The following INPP4A variants were observed in gnomAD, a reference collection of about 807,000 sequenced individuals.
INPP4A encodes inositol polyphosphate-4-phosphatase, type I, 107kD.
A neutral mutation model predicts 119.8 loss-of-function variants in INPP4A; 33 were observed. The observed-to-expected ratio is 0.28, with a 90% confidence interval of 0.21 to 0.37. The LOEUF (loss-of-function observed/expected upper bound fraction) is 0.37, where lower values mean the gene tolerates loss of function less well. Among genes scored for constraint, INPP4A ranks in the 10% least tolerant of loss-of-function variants. The probability of loss-of-function intolerance (pLI) is 1.00; values close to 1 mark genes in which losing one functional copy is unlikely to be tolerated. For synonymous variants in INPP4A, 496 were observed against 500.7 expected (o/e 0.99, Z 0.12); for missense variants, 956 against 1,289.9 (o/e 0.74, Z 3.97).
chr2:98,481,588 A>G (rs905368900), intron 1 of INPP4A, among the ~76,000 whole-genome samples: 1 of 152,236 alleles, frequency 6.6e-6, no homozygotes, highest in Non-Finnish European at 1.5e-5. Context: ...TCTATATAAA[A>G]TGATTATATC....
At chr2:98,470,354 T>C (rs1353523386) in intron 1 of INPP4A, among the ~76,000 whole-genome samples, 1 of 152,246 alleles carries the variant, frequency 6.6e-6, no homozygotes, top group African/African-American at 2.4e-5. Flanking sequence ...GTTCCCCTGA[T>C]TGGACTCCTG....
chr2:98,571,143 C>T (rs1697365084), intron 22 of INPP4A, among the ~76,000 whole-genome samples: 1 of 152,222 alleles, frequency 6.6e-6, no homozygotes, highest in African/African-American at 2.4e-5. Context: ...GGAGTTCAAA[C>T]AGCAGATTTG....
At chr2:98,515,146 C>G (rs909015965) in intron 1 of INPP4A, among the ~76,000 whole-genome samples, 2 of 152,196 alleles carry the variant, frequency 1.3e-5, no homozygotes, top group African/African-American at 4.8e-5. Context: ...TGATATTTGT[C>G]TTTCTGAGGT....
intron 1 of INPP4A, among the ~76,000 whole-genome samples, chr2:98,466,578 G>A (rs1221024534): frequency 3.9e-5 from 6 of 152,188 alleles, no homozygotes; most frequent in Middle Eastern, 3.2e-3. Flanking sequence ...AGAGAATTGC[G>A]GCTCAGAGAA....
At chr2:98,525,418 A>C (rs1001875568) in intron 4 of INPP4A, among the ~76,000 whole-genome samples, 4 of 152,240 alleles carry the variant, frequency 2.6e-5, no homozygotes, top group African/African-American at 9.6e-5. Flanking sequence ...TCACATCTGT[A>C]AAGTCCCTTT....
At position 98,544,872 on chromosome 2, in the gene INPP4A, A is replaced by T. The variant is rs146526534; in HGVS notation, c.949+865A>T. On this transcript the variant is annotated intron_variant, in intron 11 of 24. Transcript: ENST00000409851. ...TTGCTTAGGCTTGATGTGAGTCTGA[A>T]GAGAGGGTCTGAGTATGTCACTAGG... is the stretch of plus-strand genomic sequence containing the variant. Among the ~76,000 whole-genome samples, 441 of 152,328 alleles carry T rather than the reference A, an allele frequency of 2.9e-3. 3 individuals carry two copies. Among genetic ancestry groups the T allele is most frequent in the African/African-American group, 9.9e-3 (413 of 41,584 alleles).
At chr2:98,539,824 T>A in intron 10 of INPP4A, 149 bp downstream of exon 10, 1 of 728,774 alleles carries the variant, frequency 1.4e-6, no homozygotes, top group Non-Finnish European at 2.1e-6. Context: ...TTGGCTTGCC[T>A]AAGCCTCAGT....
chr2:98,482,954 G>A (rs55934321), intron 1 of INPP4A, among the ~76,000 whole-genome samples: 36,474 of 152,028 alleles, frequency 0.24, 4,563 homozygotes, highest in Middle Eastern at 0.35. Context: ...TCAGATTTTT[G>A]GATTAGGTGT....
chr2:98,574,717 G>A (rs1385970064), intron 23 of INPP4A, among the ~76,000 whole-genome samples: 3 of 152,010 alleles, frequency 2.0e-5, no homozygotes, highest in African/African-American at 2.4e-5. Flanking sequence ...TCACTGATGC[G>A]TTCTCCTTGG....
At chr2:98,503,364 T>C (rs1683482015) in intron 1 of INPP4A, among the ~76,000 whole-genome samples, 2 of 152,220 alleles carry the variant, frequency 1.3e-5, no homozygotes, top group African/African-American at 4.8e-5. Context: ...ATTGACCTCG[T>C]CCTGGCTCTC....
Position 98,489,203 on chromosome 2 carries a change from G to A in INPP4A, c.-165-29761G>A, listed in dbSNP as rs111245665. Reference sequence around the variant, plus strand: ...CCCAAGAATGGTGGTACCTGGAAGGGAGAGAAATCAGGAGGAGCCAGTTCT... The same window carrying A: ...CCCAAGAATGGTGGTACCTGGAAGGAAGAGAAATCAGGAGGAGCCAGTTCT... On this transcript the variant is annotated intron_variant, in intron 1 of 24. Transcript: ENST00000409851. 3.8e-3 allele frequency among the ~76,000 whole-genome samples: 574 copies of A among 152,188 alleles called. 7 individuals carry two copies. Among genetic ancestry groups the A allele is most frequent in the African/African-American group, 0.013 (555 of 41,496 alleles).
In INPP4A at chr2:98,457,814, A is replaced by G. The variant is rs111732931; in HGVS notation, c.-166+12729A>G. Reference sequence around the variant, plus strand: ...GAAACTCTTATTTTTGTTTTATTTTATTTTAGAGACGGGGTCTCGCTCTGT... The same window carrying G: ...GAAACTCTTATTTTTGTTTTATTTTGTTTTAGAGACGGGGTCTCGCTCTGT... On this transcript the variant is annotated intron_variant, in intron 1 of 24. Transcript: ENST00000409851. 3.7e-3 allele frequency among the ~76,000 whole-genome samples: 569 copies of G among 151,962 alleles called. 7 individuals are homozygous for G. The highest frequency in any genetic ancestry group is 0.013 in the African/African-American group (550 of 41,436).
intron 1 of INPP4A, among the ~76,000 whole-genome samples, chr2:98,487,180 A>C (rs1679737314): frequency 1.3e-5 from 2 of 152,240 alleles, no homozygotes; most frequent in Admixed American, 1.3e-4. Flanking sequence ...AATTGTAACC[A>C]AAATTGATAC....
At chr2:98,561,230 A>G (rs1695417221) in intron 17 of INPP4A, among the ~76,000 whole-genome samples, 1 of 152,226 alleles carries the variant, frequency 6.6e-6, no homozygotes, top group Non-Finnish European at 1.5e-5. Context: ...TAGGAACTAG[A>G]TAAGGAGTTT....
chr2:98,571,257 A>G (rs1218954904), intron 22 of INPP4A, among the ~76,000 whole-genome samples: 1 of 152,204 alleles, frequency 6.6e-6, no homozygotes, highest in African/African-American at 2.4e-5. Flanking sequence ...TTTCACACCC[A>G]CTTGGCAGGT....
chr2:98,459,498 A>G (rs1247948393), intron 1 of INPP4A, among the ~76,000 whole-genome samples: 1 of 152,170 alleles, frequency 6.6e-6, no homozygotes, highest in African/African-American at 2.4e-5. Context: ...GCAACTGGTT[A>G]ATAGTAATTC....
At chr2:98,582,177 C>CT (rs1225903734) in intron 24 of INPP4A, among the ~76,000 whole-genome samples, 2 of 152,174 alleles carry the variant, frequency 1.3e-5, no homozygotes, top group Non-Finnish European at 2.9e-5. Context: ...CTAACCCTTC[C>CT]TTTCCTTTTG....
At position 98,468,891 on chromosome 2, in the gene INPP4A, C is replaced by A. The variant is rs540291267; in HGVS notation, c.-166+23806C>A. 2.0e-5 allele frequency among the ~76,000 whole-genome samples: 3 copies of A among 152,034 alleles called. No homozygotes were observed. The South Asian group carries it at 6.2e-4, about 32-fold the overall frequency. On this transcript the variant is annotated intron_variant, in intron 1 of 24. Transcript: ENST00000409851. ...AGCCTAGGAGGCGTGGTGAATGCCT[C>A]CCACAGTGGTTGCTGAGATGGCTTT...
chr2:98,473,334 A>C (rs1486556727), intron 1 of INPP4A, among the ~76,000 whole-genome samples: 3 of 150,018 alleles, frequency 2.0e-5, no homozygotes, highest in Non-Finnish European at 3.0e-5. Context: ...TGAGGAGGGC[A>C]GTGTGGGTGG....
Sources: allele counts gnomAD v4.1 joint callset (sites outside exome capture counted in the v4.1 genomes callset), GRCh38; gene constraint gnomAD v4.1.1; transcripts MANE v1.5; gene names NCBI Gene and HGNC (gene_info 2026-07-23, HGNC 2026-07-21).